The following CUX1 variants were observed in gnomAD, a reference collection of about 807,000 sequenced individuals.
The protein encoded by CUX1 is cut like homeobox 1, also known as protein CASP.
CUX1 carries 31 observed loss-of-function variants against 158.8 expected under a neutral mutation model. The ratio of observed to expected loss-of-function variants is 0.20; its 90% CI spans 0.15 to 0.26. CUX1 has a LOEUF of 0.26. Ranked by LOEUF, CUX1 falls within the 10% of genes least tolerant of loss-of-function variation. The pLI is 1.00. For synonymous variants in CUX1, 879 were observed against 862.1 expected (o/e 1.02, Z -0.34); for missense variants, 1,589 against 2,014.6 (o/e 0.79, Z 4.04).
At chr7:101,918,222 G>T (rs887434432) in intron 2 of CUX1, among the ~76,000 whole-genome samples, 1 of 152,184 alleles carries the variant, frequency 6.6e-6, no homozygotes, top group Non-Finnish European at 1.5e-5. Flanking sequence ...CGTTCCTTAT[G>T]CTCTGCTGAT....
intron 8 of CUX1, among the ~76,000 whole-genome samples, chr7:102,134,705 C>A (rs1427469914): frequency 3.3e-5 from 5 of 152,204 alleles, no homozygotes; most frequent in Non-Finnish European, 5.9e-5. Flanking sequence ...TCAAGTGATC[C>A]TCCCACCTCA....
chr7:102,106,500 G>A (rs1168347556), intron 6 of CUX1, among the ~76,000 whole-genome samples: 1 of 152,124 alleles, frequency 6.6e-6, no homozygotes, highest in East Asian at 1.9e-4. Context: ...GAGAGAAGCA[G>A]CTTTCTATAA....
intron 8 of CUX1, chr7:102,125,788 G>A (rs912468232): frequency 6.6e-6 from 1 of 151,050 alleles, no homozygotes; most frequent in Non-Finnish European, 1.5e-5. Flanking sequence ...ATTTTGTCAT[G>A]CAGTCTCAGC....
In CUX1 at chr7:102,201,778, G is replaced by C. The variant is rs781894402; in HGVS notation, c.2481G>C (p.Ala827=). The C allele has an allele frequency of 6.2e-7, 1 of 1,612,684 alleles. No individual in the cohort carries two copies. Among genetic ancestry groups the C allele is most frequent in the Admixed American group, 1.7e-5 (1 of 60,008 alleles). ...SGAWKDHWWS[A]VQPERRNAAS... The stretch of plus-strand genomic sequence containing the variant: ...CCTGGAAGGACCACTGGTGGAGCGC[G>C]GTGCAGCCGGAGAGAAGAAATGCCG... The change falls in exon 18 of 24, where the codon GCG becomes GCC. Residue 827 remains alanine (A), a synonymous_variant. Transcript: ENST00000292535. This position sits in a 1 kb window ranked among gnomAD's most constrained non-coding sequence, Gnocchi z 5.0.
intron 4 of CUX1, 82 bp downstream of exon 4, chr7:102,070,499 T>C: frequency 1.9e-6 from 2 of 1,050,032 alleles, no homozygotes; most frequent in Non-Finnish European, 2.8e-6. Flanking sequence ...TCTTCTTGGC[T>C]TTCCTAAGGA....
At position 102,253,284 on chromosome 7, in the gene CUX1, C is replaced by G. The variant is rs1801718090; in HGVS notation, c.*4242C>G. 3 of 985,494 alleles carry G rather than the reference C, an allele frequency of 3.0e-6. No individual in the cohort carries two copies. Among genetic ancestry groups the G allele is most frequent in the Non-Finnish European group, 3.6e-6 (3 of 830,068 alleles). 61.0% of individuals were successfully genotyped at this position (985,494 alleles called of 1,614,324 possible). A position where few individuals can be genotyped will look rare whatever the true frequency, so the allele number is the denominator to read the frequency against. On this transcript the variant is annotated 3_prime_UTR_variant, in exon 24 of 24. Transcript: ENST00000292535. The stretch of plus-strand genomic sequence containing the variant: ...GGTGGCCAGCTCTCATACCCCATCT[C>G]CCTCCTTGGCCAGGGCCAGCATCAG...
intron 5 of CUX1, among the ~76,000 whole-genome samples, chr7:102,103,862 G>C (rs1554487425): frequency 6.6e-6 from 1 of 151,878 alleles, no homozygotes; most frequent in Non-Finnish European, 1.5e-5. Flanking sequence ...TCACATCATA[G>C]AGAATGGGGT....
chr7:101,827,244 C>CCTTCCCTTCTCTTCT (rs1554381484), intron 1 of CUX1, among the ~76,000 whole-genome samples: 4 of 129,676 alleles, frequency 3.1e-5, no homozygotes, highest in African/African-American at 1.2e-4. Flanking sequence ...CCCCTCCCCT[C>CCTTCCCTTCTCTTCT]CTTCTCTTCT....
intron 20 of CUX1, among the ~76,000 whole-genome samples, chr7:102,216,616 T>TCCCAC (rs1563425456): frequency 2.5e-4 from 2 of 7,972 alleles, no homozygotes. Context: ...ACACACACAC[T>TCCCAC]CCCCACACAC....
At chr7:101,907,611 A>T (rs1802906196) in intron 1 of CUX1, among the ~76,000 whole-genome samples, 1 of 152,170 alleles carries the variant, frequency 6.6e-6, no homozygotes, top group Admixed American at 6.5e-5. Context: ...AGCCTCCCAA[A>T]GTTCTGGGAT....
At chr7:101,860,974 T>C (rs1385244905) in intron 1 of CUX1, among the ~76,000 whole-genome samples, 1 of 152,000 alleles carries the variant, frequency 6.6e-6, no homozygotes, top group Non-Finnish European at 1.5e-5. Flanking sequence ...CCTGGCTAAT[T>C]TTTAAATTTT....
chr7:101,932,623 G>C (rs1178453445), intron 2 of CUX1: 10 of 455,182 alleles, frequency 2.2e-5, no homozygotes, highest in South Asian at 1.6e-4. Flanking sequence ...TCGGGGAAAG[G>C]TGATAGCTTC....
In CUX1 at chr7:101,887,770, C is replaced by T. The variant is rs1198216495; in HGVS notation, c.31-28345C>T. Among the ~76,000 whole-genome samples the T allele has an allele frequency of 3.3e-5, 5 of 151,582 alleles. No homozygotes were observed. In the South Asian group the frequency reaches 8.3e-4, roughly 25 times the overall value. On this transcript the variant is annotated intron_variant, in intron 1 of 23. Transcript: ENST00000292535. The stretch of plus-strand genomic sequence containing the variant: ...CCATCCTCTGGGAGTGGCTGTCATA[C>T]GACATTTCTTGCTTTTAGGACCATT...
intron 1 of CUX1, among the ~76,000 whole-genome samples, chr7:101,855,926 TCC>T (rs1796753266): frequency 6.8e-6 from 1 of 146,750 alleles, no homozygotes; most frequent in Non-Finnish European, 1.5e-5. Flanking sequence ...GCGCCTGTAA[TCC>T]CAGCACGTTG....
chr7:102,206,799 T>C (rs1160242679), intron 20 of CUX1, among the ~76,000 whole-genome samples: 1 of 152,112 alleles, frequency 6.6e-6, no homozygotes, highest in Non-Finnish European at 1.5e-5. Context: ...GTCAGGAGGC[T>C]GAGGCAGGAG....
chr7:101,913,212 C>T (rs1033718709), intron 1 of CUX1: 2 of 362,446 alleles, frequency 5.5e-6, no homozygotes, highest in South Asian at 2.3e-5. Flanking sequence ...CTGATCAACC[C>T]AATCTGGGGC....
At chr7:102,016,268 C>T (rs1818574261) in intron 2 of CUX1, among the ~76,000 whole-genome samples, 1 of 152,194 alleles carries the variant, frequency 6.6e-6, no homozygotes, top group Non-Finnish European at 1.5e-5. Flanking sequence ...CTTAAACTCC[C>T]TTCGCTCCAC....
rs114303968 is a variant in CUX1 at position 102,025,410 on chromosome 7, T to C, written c.142-2688T>C. On this transcript the variant is annotated intron_variant, in intron 2 of 23. Transcript: ENST00000292535. ...CAGGAGACCAAGGCAGGCATATCGC[T>C]TGAACCTGGGAGTTCAAGACCAGCC... is the stretch of plus-strand genomic sequence containing the variant. 9.4e-3 allele frequency among the ~76,000 whole-genome samples: 1,437 copies of C among 152,268 alleles called. 20 individuals are homozygous for C. Among genetic ancestry groups the C allele is most frequent in the African/African-American group, 0.032 (1,343 of 41,542 alleles).
intron 2 of CUX1, among the ~76,000 whole-genome samples, chr7:102,022,984 G>A (rs1303224569): frequency 2.6e-5 from 4 of 152,236 alleles, no homozygotes; most frequent in African/African-American, 9.6e-5. Flanking sequence ...GGAGGCCGAG[G>A]TGGGCAGATT....
Sources: gnomAD v4.1 joint callset for allele counts (sites outside exome capture counted in the v4.1 genomes callset) on GRCh38, gnomAD v4.1.1 for gene constraint, Gnocchi (gnomAD v3.1) non-coding constraint, MANE v1.5 for transcripts, NCBI Gene and HGNC (gene_info 2026-07-23, HGNC 2026-07-21) for gene names.